The following USP34 variants were observed in gnomAD, a reference collection of about 807,000 sequenced individuals.
The protein encoded by USP34 is ubiquitin specific peptidase 34.
A neutral mutation model predicts 460.3 loss-of-function variants in USP34; 70 were observed. The ratio of observed to expected loss-of-function variants is 0.15; its 90% CI spans 0.13 to 0.19. USP34 has a LOEUF of 0.19. USP34 is among the 10% of genes least tolerant of loss of function. The probability of loss-of-function intolerance (pLI) is 1.00; values close to 1 mark genes in which losing one functional copy is unlikely to be tolerated. For synonymous variants in USP34, 1,647 were observed against 1,405.3 expected (o/e 1.17, Z -3.85); for missense variants, 3,985 against 4,236.2 (o/e 0.94, Z 1.65).
intron 57 of USP34, among the ~76,000 whole-genome samples, chr2:61,233,066 G>C (rs1219924109): frequency 6.6e-6 from 1 of 151,726 alleles, no homozygotes; most frequent in African/African-American, 2.4e-5. Flanking sequence ...CACTATGTTG[G>C]CCAGGCTGGT....
intron 29 of USP34, 127 bp downstream of exon 29, chr2:61,300,824 A>C (rs1462790816): frequency 5.0e-5 from 13 of 257,704 alleles, no homozygotes; most frequent in East Asian, 1.9e-4. Context: ...AAAAATGAAC[A>C]AAAAAAAAAA....
chr2:61,422,117 A>C (rs556029629), intron 1 of USP34, among the ~76,000 whole-genome samples: 2 of 152,236 alleles, frequency 1.3e-5, no homozygotes, highest in African/African-American at 2.4e-5. Context: ...CAGGGAGAAG[A>C]CCTGGGCAAC....
intron 8 of USP34, among the ~76,000 whole-genome samples, chr2:61,371,055 T>C (rs1460778408): frequency 1.3e-5 from 2 of 152,164 alleles, no homozygotes; most frequent in Non-Finnish European, 2.9e-5. Context: ...ATTCAATAGA[T>C]GAAAAGTGAA....
At chr2:61,465,829 T>C (rs1490574078) in intron 1 of USP34, among the ~76,000 whole-genome samples, 1 of 151,444 alleles carries the variant, frequency 6.6e-6, no homozygotes, top group African/African-American at 2.4e-5. Flanking sequence ...TACAAAAAAT[T>C]AGCCGGGCGT....
chr2:61,288,826 C>T lies in USP34; in HGVS notation c.4600G>A (p.Val1534Ile), dbSNP rs774362955. ...GCTAAATCCAAATCGGATGGATCTA[C>T]TGCAAACTGGCATATTAACTTCAGC... ...CLLKLICQFA[V>I]DPSDLDLAYH... Residue 1534 changes from valine to isoleucine, a missense_variant, in exon 34 of 80, where the codon GTA becomes ATA. Val to Ile is a conservative substitution (Grantham distance 29). Transcript: ENST00000398571. The T allele has an allele frequency of 6.2e-7, 1 of 1,613,764 alleles. No individual in the cohort carries two copies. The highest frequency in any genetic ancestry group is 1.7e-5 in the Admixed American group (1 of 60,008).
Position 61,284,871 on chromosome 2 carries a change from A to G in USP34, c.4832+4T>C. ...ACACATAAAATATATCTTAAAATGC[A>G]TACCTAGGAGCCAGATTATCATACG... On this transcript the variant is annotated splice_donor_region_variant and intron_variant, in intron 35 of 79. Transcript: ENST00000398571. 1 of 1,604,198 alleles carries G rather than the reference A, an allele frequency of 6.2e-7. No individual in the cohort carries two copies.
chr2:61,397,680 C>A (rs1172557228), intron 3 of USP34, among the ~76,000 whole-genome samples: 1 of 152,070 alleles, frequency 6.6e-6, no homozygotes, highest in Non-Finnish European at 1.5e-5. Context: ...GTGGGCGGAT[C>A]ATGATGTCAG....
intron 1 of USP34, among the ~76,000 whole-genome samples, chr2:61,462,407 G>A (rs968799626): frequency 6.6e-6 from 1 of 151,584 alleles, no homozygotes; most frequent in African/African-American, 2.4e-5. Flanking sequence ...ATATTAGCTG[G>A]GCATGGTGGT....
intron 61 of USP34, among the ~76,000 whole-genome samples, chr2:61,228,229 G>C (rs1285797772): frequency 6.6e-6 from 1 of 152,182 alleles, no homozygotes; most frequent in South Asian, 2.1e-4. Flanking sequence ...TAATGCATTT[G>C]TTATGAACAA....
intron 57 of USP34, among the ~76,000 whole-genome samples, chr2:61,235,469 G>GC (rs921975072): frequency 3.3e-5 from 5 of 151,942 alleles, no homozygotes; most frequent in African/African-American, 1.2e-4. Context: ...GGGACTACAG[G>GC]CATGTGCCAC....
intron 10 of USP34, among the ~76,000 whole-genome samples, chr2:61,357,774 A>G (rs754595082): frequency 5.9e-5 from 9 of 152,208 alleles, no homozygotes; most frequent in Non-Finnish European, 8.8e-5. Context: ...GTGGTGGCAC[A>G]AGCCTGTAGT....
chr2:61,466,061 T>A (rs902929601), intron 1 of USP34, among the ~76,000 whole-genome samples: 2 of 151,984 alleles, frequency 1.3e-5, no homozygotes, highest in Non-Finnish European at 2.9e-5. Context: ...GAGAGATTTG[T>A]TAAAGAATAT....
chr2:61,295,389 T>C (rs1026115055), intron 30 of USP34, 99 bp from the exon 31 acceptor site: 26 of 1,254,160 alleles, frequency 2.1e-5, no homozygotes, highest in East Asian at 2.6e-5. Context: ...CTCAAAATAT[T>C]ATATATACTT....
chr2:61,385,745 G>C (rs758314759), intron 5 of USP34, among the ~76,000 whole-genome samples: 1 of 146,192 alleles, frequency 6.8e-6, no homozygotes, highest in South Asian at 2.2e-4. Context: ...TGTAATCCTA[G>C]CACTTCAGGA....
chr2:61,440,652 G>A (rs1481708867), intron 1 of USP34, among the ~76,000 whole-genome samples: 1 of 151,366 alleles, frequency 6.6e-6, no homozygotes, highest in Non-Finnish European at 1.5e-5. Flanking sequence ...CAAGTAGCTG[G>A]GATTAAAGGC....
At chr2:61,400,735 C>G (rs553835755) in intron 3 of USP34, among the ~76,000 whole-genome samples, 135 of 152,150 alleles carry the variant, frequency 8.9e-4, no homozygotes, top group Non-Finnish European at 1.8e-3. Context: ...CCTGTACTCC[C>G]AGCTACTTAG....
At chr2:61,245,932 AGT>A (rs1419999493) in intron 50 of USP34, among the ~76,000 whole-genome samples, 1 of 152,186 alleles carries the variant, frequency 6.6e-6, no homozygotes, top group East Asian at 1.9e-4. Context: ...GATAAAAAGA[AGT>A]GTGTGTGGTC....
chr2:61,435,082 T>C (rs1694775529), intron 1 of USP34, among the ~76,000 whole-genome samples: 1 of 151,838 alleles, frequency 6.6e-6, no homozygotes. Flanking sequence ...GGCAGGTGGA[T>C]TGCTTAAGGC....
At chr2:61,426,645 A>C (rs1057063250) in intron 1 of USP34, among the ~76,000 whole-genome samples, 4 of 152,192 alleles carry the variant, frequency 2.6e-5, no homozygotes, top group African/African-American at 9.7e-5. Flanking sequence ...TGCTGCCCTG[A>C]AGGAAGGATG....
Sources: gnomAD v4.1 joint callset for allele counts (sites outside exome capture counted in the v4.1 genomes callset) on GRCh38, gnomAD v4.1.1 for gene constraint, MANE v1.5 for transcripts, NCBI Gene and HGNC (gene_info 2026-07-23, HGNC 2026-07-21) for gene names.